RASA1: variants seen among roughly 807,000 people sequenced by gnomAD.
RASA1 encodes ras GTPase-activating protein 1.
In RASA1, 25 loss-of-function variants were observed where a neutral mutation model predicts 132.2. That is an observed-to-expected ratio of 0.19 (90% CI 0.14 to 0.26). The LOEUF (loss-of-function observed/expected upper bound fraction) is 0.26, where lower values mean the gene tolerates loss of function less well. Among genes scored for constraint, RASA1 ranks in the 10% least tolerant of loss-of-function variants. The pLI is 1.00. For missense variants in RASA1, 964 were observed against 1,299.2 expected (o/e 0.74, Z 3.97); for synonymous variants, 477 against 449.9 (o/e 1.06, Z -0.76).
chr5:87,346,937 G>A (rs1758906535), intron 7 of RASA1, among the ~76,000 whole-genome samples: 1 of 151,788 alleles, frequency 6.6e-6, no homozygotes, highest in African/African-American at 2.4e-5. Context: ...TTTACCCCAG[G>A]CCCCTGTCCA....
At chr5:87,341,466 A>G in intron 6 of RASA1, 145 bp downstream of exon 6, 1 of 436,188 alleles carries the variant, frequency 2.3e-6, no homozygotes, top group Non-Finnish European at 3.9e-6. Context: ...ATTTCTAAAT[A>G]TTTTCTTAAG....
intron 1 of RASA1, among the ~76,000 whole-genome samples, chr5:87,288,137 A>T (rs987209186): frequency 4.8e-5 from 7 of 146,900 alleles, no homozygotes; most frequent in African/African-American, 1.5e-4. Flanking sequence ...TACCATATAT[A>T]TACACACCAT....
intron 22 of RASA1, among the ~76,000 whole-genome samples, chr5:87,385,722 AACTC>A (rs1363708472): frequency 6.6e-6 from 1 of 152,038 alleles, no homozygotes; most frequent in African/African-American, 2.4e-5. Flanking sequence ...TAAATGTTAA[AACTC>A]AAGATTTTAT....
intron 9 of RASA1, among the ~76,000 whole-genome samples, chr5:87,354,500 G>A (rs1166046841): frequency 1.3e-5 from 2 of 152,120 alleles, no homozygotes; most frequent in African/African-American, 4.8e-5. Context: ...AAGCTTAATC[G>A]ATAAATGTAG....
Position 87,363,341 on chromosome 5 carries a change from T to TA in RASA1, c.1454-4dup. 1.3e-6 allele frequency: 2 copies of TA among 1,596,918 alleles called. 1 individual carries two copies. Among genetic ancestry groups the TA allele is most frequent in the South Asian group, 2.2e-5 (2 of 90,366 alleles). ...GCTAAGAGAAAACAATTTTTTTTTT[T>TA]AAACAGGCAAAGGAAAACGTTGGAA... is the stretch of plus-strand genomic sequence containing the variant. On this transcript the variant is annotated splice_region_variant and splice_polypyrimidine_tract_variant and intron_variant, in intron 10 of 24. Coordinates refer to ENST00000274376, the MANE Select transcript of RASA1 (RefSeq NM_002890.3).
At chr5:87,375,389 T>C (rs2112488304) in intron 15 of RASA1, among the ~76,000 whole-genome samples, 1 of 152,016 alleles carries the variant, frequency 6.6e-6, no homozygotes, top group East Asian at 1.9e-4. Flanking sequence ...GCCTCCTGAG[T>C]ATCTGGGACT....
At chr5:87,376,820 T>C (rs1761358659) in intron 16 of RASA1, 61 bp from the exon 17 acceptor site, 1 of 1,482,842 alleles carries the variant, frequency 6.7e-7, no homozygotes, top group Non-Finnish European at 9.4e-7. Flanking sequence ...TTCTTGTTAG[T>C]CTCATGGAGC....
chr5:87,278,909 CTT>C (rs58122450), intron 1 of RASA1, among the ~76,000 whole-genome samples: 12 of 83,998 alleles, frequency 1.4e-4, no homozygotes, highest in African/African-American at 4.5e-4. Flanking sequence ...CTAATTTGTT[CTT>C]TTTTTTTTTT....
chr5:87,382,327 G>A (rs981772514), intron 20 of RASA1, among the ~76,000 whole-genome samples: 4 of 152,136 alleles, frequency 2.6e-5, no homozygotes, highest in Admixed American at 6.5e-5. Flanking sequence ...TTAGCAAACA[G>A]GTACATGTTC....
intron 9 of RASA1, among the ~76,000 whole-genome samples, chr5:87,353,714 G>C (rs574631087): frequency 6.6e-6 from 1 of 152,250 alleles, no homozygotes; most frequent in East Asian, 1.9e-4. Context: ...GTAAAGAGGA[G>C]AGTGAAGTTG....
intron 1 of RASA1, among the ~76,000 whole-genome samples, chr5:87,269,977 C>T (rs1478784809): frequency 1.3e-5 from 2 of 152,100 alleles, no homozygotes; most frequent in Admixed American, 6.5e-5. Flanking sequence ...CGCAGTGGCT[C>T]ACACCTGTAA....
At chr5:87,378,304 C>A in intron 17 of RASA1, 92 bp from the exon 18 acceptor site, 1 of 1,445,164 alleles carries the variant, frequency 6.9e-7, no homozygotes, top group Non-Finnish European at 9.7e-7. Flanking sequence ...GTGGCTATTC[C>A]TGTTGAGGTA....
intron 1 of RASA1, among the ~76,000 whole-genome samples, chr5:87,301,777 C>T (rs911356284): frequency 3.3e-5 from 5 of 152,106 alleles, no homozygotes; most frequent in Non-Finnish European, 7.4e-5. Context: ...TTTTGGATTT[C>T]AATTTTCAGA....
intron 12 of RASA1, 150 bp from the exon 13 acceptor site, chr5:87,371,968 T>C (rs1760979335): frequency 1.8e-6 from 1 of 543,246 alleles, no homozygotes; most frequent in African/African-American, 1.9e-5. Flanking sequence ...TATTATTGGT[T>C]ATTGTTATGA....
In RASA1 at chr5:87,338,578, G is replaced by A. The variant is rs896544914; in HGVS notation, c.1017+487G>A. On this transcript the variant is annotated intron_variant, in intron 5 of 24. Transcript: ENST00000274376. ...GTAGAAATGGGGTTTTACCATGTTG[G>A]CCAGGCTGGTCTCAAACGCCTGACC... Among the ~76,000 whole-genome samples the A allele has an allele frequency of 6.8e-4, 93 of 137,702 alleles. 1 individual carries two copies. Among genetic ancestry groups the A allele is most frequent in the Non-Finnish European group, 1.2e-3 (75 of 65,024 alleles). The allele number at this position is 137,702 out of a possible 152,430, so 90.3% of individuals were successfully genotyped here.
intron 1 of RASA1, among the ~76,000 whole-genome samples, chr5:87,308,604 T>TTG (rs1184466964): frequency 6.6e-6 from 1 of 152,180 alleles, no homozygotes; most frequent in Non-Finnish European, 1.5e-5. Flanking sequence ...ACCATTGCTG[T>TTG]TGTGTATATA....
At chr5:87,327,807 A>T (rs999711837) in intron 1 of RASA1, among the ~76,000 whole-genome samples, 5 of 152,118 alleles carry the variant, frequency 3.3e-5, no homozygotes, top group African/African-American at 9.7e-5. Flanking sequence ...TCTACTAAAA[A>T]TACAAAAGTT....
chr5:87,389,335 A>G, intron 23 of RASA1, 58 bp from the exon 24 acceptor site: 2 of 1,606,568 alleles, frequency 1.2e-6, no homozygotes, highest in Non-Finnish European at 1.7e-6. Context: ...CTGTCTCAAA[A>G]AAAACAAAAA....
chr5:87,348,594 T>G (rs912910007), intron 7 of RASA1, among the ~76,000 whole-genome samples: 1 of 152,018 alleles, frequency 6.6e-6, no homozygotes, highest in South Asian at 2.1e-4. Flanking sequence ...GAATCTACCT[T>G]TATAAAAAGC....
Sources: gnomAD v4.1 joint callset for allele counts (sites outside exome capture counted in the v4.1 genomes callset) on GRCh38, gnomAD v4.1.1 for gene constraint, MANE v1.5 for transcripts, NCBI Gene and HGNC (gene_info 2026-07-23, HGNC 2026-07-21) for gene names.